The following EPS8 variants were observed in gnomAD, a reference collection of about 807,000 sequenced individuals.
The protein encoded by EPS8 is EGFR pathway substrate 8, signaling adaptor, also known as epidermal growth factor receptor kinase substrate 8.
EPS8 carries 42 observed loss-of-function variants against 103.8 expected under a neutral mutation model. The ratio of observed to expected loss-of-function variants is 0.40; its 90% CI spans 0.32 to 0.52. The LOEUF is 0.52. Ranked by LOEUF, EPS8 falls within the 20% of genes least tolerant of loss-of-function variation. The probability of loss-of-function intolerance (pLI) is 0.40; values close to 1 mark genes in which losing one functional copy is unlikely to be tolerated. For synonymous variants in EPS8, 344 were observed against 344.6 expected (o/e 1.00, Z 0.02); for missense variants, 969 against 1,005.1 (o/e 0.96, Z 0.49).
Position 15,731,728 on chromosome 12 carries a change from G to C in EPS8, c.-21-48756C>G, listed in dbSNP as rs745896272. The stretch of plus-strand genomic sequence containing the variant: ...CATAAAAATATTTCATTTTGTCTTC[G>C]TGTAAGGGTCAATAATTTCAATCAT... On this transcript the variant is annotated intron_variant, in intron 1 of 20. Transcript: ENST00000281172. This position sits in a 1 kb window ranked among gnomAD's most constrained non-coding sequence, Gnocchi z 5.1. Among the ~76,000 whole-genome samples, 1 of 152,044 alleles carries C rather than the reference G, an allele frequency of 6.6e-6. No individual in the cohort carries two copies. Among genetic ancestry groups the C allele is most frequent in the Non-Finnish European group, 1.5e-5 (1 of 68,024 alleles).
At position 15,761,644 on chromosome 12, in the gene EPS8, G is replaced by T. The variant is rs1483492929; in HGVS notation, c.-22+27517C>A. 1.3e-5 allele frequency among the ~76,000 whole-genome samples: 2 copies of T among 151,780 alleles called. No individual in the cohort carries two copies. Among genetic ancestry groups the T allele is most frequent in the East Asian group, 3.9e-4 (2 of 5,180 alleles). Reference sequence around the variant, plus strand: ...GAAACAAATCCACACATCTACAGTCGACTCATTTTCAACAAAGGTGCCAAG... The same window carrying T: ...GAAACAAATCCACACATCTACAGTCTACTCATTTTCAACAAAGGTGCCAAG... On this transcript the variant is annotated intron_variant, in intron 1 of 20. Coordinates refer to ENST00000281172, the MANE Select transcript of EPS8 (RefSeq NM_004447.6). The surrounding 1 kb of genome is among the most constrained non-coding windows in gnomAD (Gnocchi z 4.5).
intron 1 of EPS8, among the ~76,000 whole-genome samples, chr12:15,687,582 T>C (rs1029940112): frequency 6.6e-6 from 1 of 152,190 alleles, no homozygotes; most frequent in Non-Finnish European, 1.5e-5. Context: ...GGTTAACAAG[T>C]GGCTGAAGAA....
At chr12:15,649,630 A>T (rs1042888720) in intron 14 of EPS8, among the ~76,000 whole-genome samples, 1 of 152,248 alleles carries the variant, frequency 6.6e-6, no homozygotes, top group African/African-American at 2.4e-5. Context: ...GGAAAAAAAA[A>T]TTGCATTAGG....
intron 6 of EPS8, among the ~76,000 whole-genome samples, chr12:15,668,979 A>G (rs938329375): frequency 6.6e-6 from 1 of 152,276 alleles, no homozygotes. Context: ...GTAATCTCCA[A>G]CTCCTGGCTC....
At chr12:15,723,607 C>T (rs1190810336) in intron 1 of EPS8, among the ~76,000 whole-genome samples, 2 of 151,894 alleles carry the variant, frequency 1.3e-5, no homozygotes, top group South Asian at 2.1e-4. Flanking sequence ...AAAAAATTAA[C>T]GTAGACCTAT....
At position 15,623,285 on chromosome 12, in the gene EPS8, G is replaced by A; in HGVS notation, c.2228C>T (p.Thr743Ile). Residue 743 changes from threonine (T) to isoleucine (I), a missense_variant and splice_region_variant, in exon 20 of 21, where the codon ACT (threonine) becomes ATT (isoleucine). By Grantham distance (89) the Thr-to-Ile change is moderately conservative. Coordinates refer to ENST00000281172, the MANE Select transcript of EPS8 (RefSeq NM_004447.6). ...ATTTAATACTCCAAGACTATTGACA[G>A]TCCTAAAAAAAAAAAAAGGAAAAAG... The part of the protein sequence containing the change: ...WLQSKGFNPV[T>I]VNSLGVLNGA... 1.3e-6 allele frequency: 2 copies of A among 1,557,848 alleles called. No individual in the cohort carries two copies. The highest frequency in any genetic ancestry group is 1.2e-5 in the South Asian group (1 of 83,988).
intron 1 of EPS8, among the ~76,000 whole-genome samples, chr12:15,786,362 A>G (rs1947310609): frequency 1.3e-5 from 2 of 152,188 alleles, no homozygotes; most frequent in Admixed American, 6.5e-5. Context: ...CTCCTCAAAC[A>G]TCATCAAAAA....
At chr12:15,649,999 A>G (rs1463238479) in intron 14 of EPS8, among the ~76,000 whole-genome samples, 11 of 152,138 alleles carry the variant, frequency 7.2e-5, no homozygotes, top group Non-Finnish European at 1.5e-4. Context: ...TGATCATCCT[A>G]TTTGTGTTTG....
At chr12:15,739,527 T>C (rs981246497) in intron 1 of EPS8, among the ~76,000 whole-genome samples, 4 of 151,930 alleles carry the variant, frequency 2.6e-5, no homozygotes, top group African/African-American at 9.7e-5. Context: ...GAAGGGTGAA[T>C]TTCTTCCCAC....
At position 15,624,328 on chromosome 12, in the gene EPS8, TTTC is replaced by T; in HGVS notation, c.2121_2123del (p.Lys708del). 6.2e-7 allele frequency: 1 copy of T among 1,613,102 alleles called. No individual in the cohort carries two copies. Among genetic ancestry groups the T allele is most frequent in the Non-Finnish European group, 8.5e-7 (1 of 1,179,324 alleles). ...GCACGTTCTGCCGTGGCACATGGAATTTCTTCTGAGCGGCACTCCGACCAATGG... is the reference window on the plus strand; with the variant it reads ...GCACGTTCTGCCGTGGCACATGGAATTTCTGAGCGGCACTCCGACCAATGG... On this transcript the variant is annotated inframe_deletion, in exon 19 of 21. Coordinates refer to ENST00000281172, the MANE Select transcript of EPS8 (RefSeq NM_004447.6).
rs921877784 is a variant in EPS8 at position 15,749,027 on chromosome 12, A to C, written c.-22+40134T>G. Among the ~76,000 whole-genome samples, 3 of 152,154 alleles carry C rather than the reference A, an allele frequency of 2.0e-5. No homozygotes were observed. The highest frequency in any genetic ancestry group is 4.4e-5 in the Non-Finnish European group (3 of 68,022). Reference sequence around the variant, plus strand: ...AGACAACTGATGCTAGAGAGAACTTAAGGCCCTTTTAACTATTTTTGTCAA... The same window carrying C: ...AGACAACTGATGCTAGAGAGAACTTCAGGCCCTTTTAACTATTTTTGTCAA... On this transcript the variant is annotated intron_variant, in intron 1 of 20. Transcript: ENST00000281172. The surrounding 1 kb of genome is among the most constrained non-coding windows in gnomAD (Gnocchi z 4.0).
chr12:15,692,297 A>G (rs925863491), intron 1 of EPS8, among the ~76,000 whole-genome samples: 1 of 148,696 alleles, frequency 6.7e-6, no homozygotes, highest in Non-Finnish European at 1.5e-5. Context: ...TTGGTTTCAA[A>G]TTGTAGATTG....
In EPS8 at chr12:15,669,546, A is replaced by G. The variant is rs544327086; in HGVS notation, c.367-10T>C. The G allele has an allele frequency of 1.3e-6, 2 of 1,585,008 alleles. No homozygotes were observed. The highest frequency in any genetic ancestry group is 2.7e-5 in the African/African-American group (2 of 73,756). ...AATTCTCCAGTTCATTCTATAAATA[A>G]AGTGAACATTTTATTTTGTCAAACT... is the stretch of plus-strand genomic sequence containing the variant. On this transcript the variant is annotated splice_polypyrimidine_tract_variant and intron_variant, in intron 5 of 20. Coordinates refer to ENST00000281172, the MANE Select transcript of EPS8 (RefSeq NM_004447.6).
intron 17 of EPS8, among the ~76,000 whole-genome samples, chr12:15,637,040 G>A (rs1945146993): frequency 6.6e-6 from 1 of 152,164 alleles, no homozygotes; most frequent in Non-Finnish European, 1.5e-5. Flanking sequence ...TTCTTGTTTT[G>A]AGACGGAGTC....
Position 15,747,875 on chromosome 12 carries a change from C to T in EPS8, c.-22+41286G>A, listed in dbSNP as rs1440805085. Among the ~76,000 whole-genome samples, 1 of 152,006 alleles carries T rather than the reference C, an allele frequency of 6.6e-6. No homozygotes were observed. Among genetic ancestry groups the T allele is most frequent in the Non-Finnish European group, 1.5e-5 (1 of 68,010 alleles). On this transcript the variant is annotated intron_variant, in intron 1 of 20. Coordinates refer to ENST00000281172, the MANE Select transcript of EPS8 (RefSeq NM_004447.6). The surrounding 1 kb of genome is among the most constrained non-coding windows in gnomAD (Gnocchi z 4.4). ...CTCTACTAAAAATACAAAGAATTAG[C>T]CGGACGTGGTGGCAGGCACCTGTAG... is the stretch of plus-strand genomic sequence containing the variant.
intron 1 of EPS8, among the ~76,000 whole-genome samples, chr12:15,753,529 G>A (rs151325366): frequency 7.2e-5 from 11 of 151,900 alleles, no homozygotes; most frequent in Middle Eastern, 3.4e-3. Context: ...AGCATAAGTC[G>A]CATCAGATTC....
rs894636321 is a variant in EPS8 at position 15,702,315 on chromosome 12, G to A, written c.-21-19343C>T. On this transcript the variant is annotated intron_variant, in intron 1 of 20. Coordinates refer to ENST00000281172, the MANE Select transcript of EPS8 (RefSeq NM_004447.6). The surrounding 1 kb of genome is among the most constrained non-coding windows in gnomAD (Gnocchi z 5.1). ...TCATCCTATTTCCTTAAAATCTATC[G>A]TTTACACAGGCGACAAGGTGAATAA... is the stretch of plus-strand genomic sequence containing the variant. Among the ~76,000 whole-genome samples the A allele has an allele frequency of 1.3e-5, 2 of 152,194 alleles. No individual in the cohort carries two copies. Among genetic ancestry groups the A allele is most frequent in the Admixed American group, 6.5e-5 (1 of 15,280 alleles).
At chr12:15,663,439 G>A (rs754631779) in intron 8 of EPS8, among the ~76,000 whole-genome samples, 3 of 152,116 alleles carry the variant, frequency 2.0e-5, no homozygotes, top group Admixed American at 6.5e-5. Context: ...CTCCTGAGGG[G>A]CTTTCCAACT....
Position 15,735,046 on chromosome 12 carries a change from C to T in EPS8, c.-21-52074G>A, listed in dbSNP as rs771587003. ...AATGCCTAGCCTGGAACCCTCACCA[C>T]GACTTCACACTAACAGCATTTCATG... On this transcript the variant is annotated intron_variant, in intron 1 of 20. Transcript: ENST00000281172. The surrounding 1 kb of genome is among the most constrained non-coding windows in gnomAD (Gnocchi z 4.4). Among the ~76,000 whole-genome samples, 5 of 152,152 alleles carry T rather than the reference C, an allele frequency of 3.3e-5. No homozygotes were observed. The highest frequency in any genetic ancestry group is 5.9e-5 in the Non-Finnish European group (4 of 68,036).
Sources: allele counts gnomAD v4.1 joint callset (sites outside exome capture counted in the v4.1 genomes callset), GRCh38; gene constraint gnomAD v4.1.1; non-coding constraint Gnocchi (gnomAD v3.1); transcripts MANE v1.5; gene names NCBI Gene and HGNC (gene_info 2026-07-23, HGNC 2026-07-21).